RGS7: variants seen among roughly 807,000 people sequenced by gnomAD.
RGS7 encodes regulator of G-protein signaling 7.
Under a neutral mutation model 81.1 loss-of-function variants are expected in RGS7, and 27 were observed. The observed-to-expected ratio is 0.33, with a 90% CI of 0.25 to 0.46. The LOEUF (loss-of-function observed/expected upper bound fraction) is 0.46, where lower values mean the gene tolerates loss of function less well. Ranked by LOEUF, RGS7 falls within the 20% of genes least tolerant of loss-of-function variation. RGS7 has a pLI of 1.00. For missense variants in RGS7, 396 were observed against 607.4 expected, an observed-to-expected ratio of 0.65 and a Z score of 3.66; for synonymous variants, 208 against 207.7, an observed-to-expected ratio of 1.00 and a Z score of -0.01.
At chr1:241,016,478 A>G (rs1385405545) in intron 3 of RGS7, among the ~76,000 whole-genome samples, 1 of 152,126 alleles carries the variant, frequency 6.6e-6, no homozygotes, top group Non-Finnish European at 1.5e-5. Flanking sequence ...AGATTGTGCC[A>G]CTGCACTCTA....
intron 3 of RGS7, among the ~76,000 whole-genome samples, chr1:241,024,343 T>C (rs1035398249): frequency 6.6e-6 from 1 of 152,184 alleles, no homozygotes; most frequent in Admixed American, 6.5e-5. Context: ...CTCTTAGTAA[T>C]CCTGTATCCT....
intron 2 of RGS7, among the ~76,000 whole-genome samples, chr1:241,154,355 G>A (rs1247376545): frequency 1.3e-5 from 2 of 152,144 alleles, no homozygotes; most frequent in Admixed American, 6.5e-5. Flanking sequence ...CAATAGTACA[G>A]ACCCTGAGGG....
In RGS7 at chr1:240,806,040, G is replaced by A. The variant is rs148721197; in HGVS notation, c.1269+100C>T. On this transcript the variant is annotated intron_variant, in intron 15 of 18. Transcript: ENST00000440928. ...TTTTACAGTTATCTAAATTGAAAAT[G>A]TTAGAAATAGCTGCCATTTAGAATG... The A allele has an allele frequency of 8.4e-4, 872 of 1,036,974 alleles. 3 individuals are homozygous for A. In the African/African-American group the frequency reaches 0.013, roughly 15 times the overall value. 64.2% of individuals were successfully genotyped at this position (1,036,974 alleles called of 1,614,324 possible). A position where few individuals can be genotyped will look rare whatever the true frequency, so the allele number is the denominator to read the frequency against.
intron 6 of RGS7, among the ~76,000 whole-genome samples, chr1:240,912,996 G>A (rs970930872): frequency 1.3e-5 from 2 of 152,208 alleles, no homozygotes; most frequent in Admixed American, 6.5e-5. Flanking sequence ...AGCACAGGTC[G>A]GTAGGAATTA....
chr1:240,985,997 C>T (rs1685611114), intron 3 of RGS7, among the ~76,000 whole-genome samples: 1 of 139,578 alleles, frequency 7.2e-6, no homozygotes, highest in Non-Finnish European at 1.6e-5. Context: ...AAATAAATGG[C>T]TGGGTCTGCT....
rs139123159 is a variant in RGS7 at position 240,852,163 on chromosome 1, A to G, written c.609+16424T>C. On this transcript the variant is annotated intron_variant, in intron 9 of 18. Coordinates refer to ENST00000440928, the MANE Select transcript of RGS7 (RefSeq NM_001364886.1). ...CAAACTTTATTGTTGTTTTATTTTA[A>G]GAAGTTGCTACAGCTTCTCCAACCT... Among the ~76,000 whole-genome samples, 776 of 152,320 alleles carry G rather than the reference A, an allele frequency of 5.1e-3. 3 individuals carry two copies. Among genetic ancestry groups the G allele is most frequent in the Non-Finnish European group, 6.7e-3 (456 of 68,024 alleles).
chr1:241,253,064 G>C (rs1369136604), intron 2 of RGS7, among the ~76,000 whole-genome samples: 1 of 152,200 alleles, frequency 6.6e-6, no homozygotes, highest in African/African-American at 2.4e-5. Flanking sequence ...TTTCTTCCTA[G>C]TCTGAGCAGC....
intron 2 of RGS7, among the ~76,000 whole-genome samples, chr1:241,190,698 A>C (rs905108328): frequency 6.6e-6 from 1 of 152,126 alleles, no homozygotes; most frequent in African/African-American, 2.4e-5. Flanking sequence ...CTTATTTATC[A>C]GTTCTGTGGA....
intron 2 of RGS7, among the ~76,000 whole-genome samples, chr1:241,165,435 G>A (rs551494394): frequency 2.0e-5 from 3 of 152,156 alleles, no homozygotes; most frequent in African/African-American, 7.2e-5. Context: ...TATACACATG[G>A]AATACTATGC....
At chr1:240,981,788 T>C (rs1469460166) in intron 4 of RGS7, among the ~76,000 whole-genome samples, 1 of 152,170 alleles carries the variant, frequency 6.6e-6, no homozygotes, top group Non-Finnish European at 1.5e-5. Flanking sequence ...TGGACAGAAT[T>C]TGAGCTGCAT....
In RGS7 at chr1:240,847,977, A is replaced by C. The variant is rs554291127; in HGVS notation, c.609+20610T>G. On this transcript the variant is annotated intron_variant, in intron 9 of 18. Transcript: ENST00000440928. The stretch of plus-strand genomic sequence containing the variant: ...ACAGATATAAGGACAAAAATGTATA[A>C]AAAGCTTTAGAAAATAGTTTTATCA... Among the ~76,000 whole-genome samples, 6 of 152,328 alleles carry C rather than the reference A, an allele frequency of 3.9e-5. No homozygotes were observed. The South Asian group carries it at 1.2e-3, about 32-fold the overall frequency.
intron 2 of RGS7, among the ~76,000 whole-genome samples, chr1:241,263,504 T>G (rs913931613): frequency 6.6e-6 from 1 of 152,142 alleles, no homozygotes; most frequent in African/African-American, 2.4e-5. Flanking sequence ...CTGGCTTATT[T>G]TGGCAACAGG....
Position 241,118,654 on chromosome 1 carries a change from A to G in RGS7, c.79-19892T>C, listed in dbSNP as rs192005403. Among the ~76,000 whole-genome samples the G allele has an allele frequency of 7.0e-4, 106 of 152,306 alleles. 1 individual carries two copies. Among genetic ancestry groups the G allele is most frequent in the African/African-American group, 2.5e-3 (103 of 41,572 alleles). On this transcript the variant is annotated intron_variant, in intron 2 of 18. Transcript: ENST00000440928. ...ATGGAACTAACTTAAATGTTCATCA[A>G]CAGTTGACAGAATAAAGAAAACATG...
chr1:240,991,629 A>T (rs56731687), intron 3 of RGS7, among the ~76,000 whole-genome samples: 10,341 of 152,270 alleles, frequency 0.068, 1,167 homozygotes, highest in African/African-American at 0.23. Flanking sequence ...TTTCCTTAGG[A>T]TGGGGATATT....
chr1:241,191,022 G>T (rs528293560), intron 2 of RGS7, among the ~76,000 whole-genome samples: 1 of 150,846 alleles, frequency 6.6e-6, no homozygotes, highest in South Asian at 2.1e-4. Flanking sequence ...TTGCTCTGTC[G>T]CCAGGCTGGA....
intron 3 of RGS7, chr1:240,998,735 C>G: frequency 2.3e-6 from 2 of 878,070 alleles, no homozygotes; most frequent in East Asian, 5.8e-5. Flanking sequence ...TGACGGTCAC[C>G]TCATCATCGT....
chr1:241,214,530 G>C (rs1293586846), intron 2 of RGS7, among the ~76,000 whole-genome samples: 1 of 151,680 alleles, frequency 6.6e-6, no homozygotes, highest in African/African-American at 2.4e-5. Context: ...TGAATCTGTG[G>C]GCGACTGTTT....
intron 4 of RGS7, among the ~76,000 whole-genome samples, chr1:240,973,513 GA>G (rs34967473): frequency 0.38 from 56,190 of 147,402 alleles, 11,738 homozygotes; most frequent in East Asian, 0.67. Flanking sequence ...GACTCTCAAA[GA>G]AAAAAAAAAA....
At chr1:241,147,791 T>C (rs1462909578) in intron 2 of RGS7, among the ~76,000 whole-genome samples, 3 of 111,428 alleles carry the variant, frequency 2.7e-5, no homozygotes, top group East Asian at 5.9e-4. Flanking sequence ...TATATATATA[T>C]ATATATATAT....
Sources: allele counts gnomAD v4.1 joint callset (sites outside exome capture counted in the v4.1 genomes callset), GRCh38; gene constraint gnomAD v4.1.1; transcripts MANE v1.5; gene names NCBI Gene and HGNC (gene_info 2026-07-23, HGNC 2026-07-21).